The following NDUFAF6 variants were observed in gnomAD, a reference collection of about 807,000 sequenced individuals.
NDUFAF6 encodes the protein NADH:ubiquinone oxidoreductase complex assembly factor 6.
NDUFAF6 carries 45 observed loss-of-function variants against 40.8 expected under a neutral mutation model. That is an observed-to-expected ratio of 1.10 (90% CI 0.87 to 1.42). The LOEUF (loss-of-function observed/expected upper bound fraction) is 1.42, where lower values mean the gene tolerates loss of function less well. NDUFAF6 is among the 40% of genes most tolerant of loss of function. NDUFAF6 has a pLI of 0.00. For synonymous variants in NDUFAF6, 185 were observed against 155.9 expected, an observed-to-expected ratio of 1.19 and a Z score of -1.39; for missense variants, 435 against 418.5, an observed-to-expected ratio of 1.04 and a Z score of -0.34.
intron 1 of NDUFAF6, among the ~76,000 whole-genome samples, chr8:94,979,750 C>T (rs1325948472): frequency 6.6e-6 from 1 of 152,054 alleles, no homozygotes; most frequent in Non-Finnish European, 1.5e-5. Context: ...AGGAGGATCA[C>T]AACAATGTAA....
chr8:94,911,533 A>C (rs1410124218), intron 1 of NDUFAF6, among the ~76,000 whole-genome samples: 1 of 152,232 alleles, frequency 6.6e-6, no homozygotes, highest in Non-Finnish European at 1.5e-5. Flanking sequence ...TTGGACTTCC[A>C]AAGAGGTGGA....
At chr8:95,027,019 T>C (rs73276444) in intron 1 of NDUFAF6, among the ~76,000 whole-genome samples, 22,184 of 152,078 alleles carry the variant, frequency 0.15, 1,627 homozygotes, top group Middle Eastern at 0.24. Flanking sequence ...GCACTCCAGC[T>C]GGGGCAACAG....
At chr8:95,051,076 G>A (rs1831377179) in intron 7 of NDUFAF6, among the ~76,000 whole-genome samples, 1 of 152,140 alleles carries the variant, frequency 6.6e-6, no homozygotes, top group African/African-American at 2.4e-5. Flanking sequence ...AAAAATGCAG[G>A]ATTGTGACTT....
chr8:94,903,985 C>G (rs1818200558), intron 1 of NDUFAF6, among the ~76,000 whole-genome samples: 1 of 152,158 alleles, frequency 6.6e-6, no homozygotes, highest in South Asian at 2.1e-4. Flanking sequence ...TGACCTGCCC[C>G]TGGCTCCCTA....
chr8:95,031,235 G>T (rs964712635), intron 1 of NDUFAF6, among the ~76,000 whole-genome samples: 1 of 152,178 alleles, frequency 6.6e-6, no homozygotes, highest in African/African-American at 2.4e-5. Context: ...GTGGGGTGGG[G>T]GCTGGGGGCA....
intron 1 of NDUFAF6, chr8:94,975,194 T>G (rs1376897896): frequency 6.6e-6 from 1 of 152,310 alleles, no homozygotes; most frequent in Non-Finnish European, 1.5e-5. Context: ...AGAGGGCAGG[T>G]GTGGGTGGGT....
intron 3 of NDUFAF6, among the ~76,000 whole-genome samples, chr8:95,039,376 C>T (rs1005320906): frequency 5.3e-5 from 8 of 150,672 alleles, no homozygotes; most frequent in African/African-American, 1.5e-4. Flanking sequence ...TCGCTTGAAC[C>T]GGGGAGGTGG....
At chr8:94,930,525 T>C in intron 1 of NDUFAF6, 1 of 1,614,252 alleles carries the variant, frequency 6.2e-7, no homozygotes, top group South Asian at 1.1e-5. Flanking sequence ...AACCCAGCCA[T>C]TGTGCTTGAC....
chr8:94,899,629 T>C (rs1209224138), intron 1 of NDUFAF6, among the ~76,000 whole-genome samples: 1 of 152,256 alleles, frequency 6.6e-6, no homozygotes, highest in Non-Finnish European at 1.5e-5. Flanking sequence ...TCACCTGTGC[T>C]GTGCTGCCTC....
intron 4 of NDUFAF6, 73 bp downstream of exon 4, chr8:95,041,699 AT>A: frequency 2.5e-6 from 3 of 1,202,546 alleles, no homozygotes; most frequent in Non-Finnish European, 3.7e-6. Context: ...CAAGAAGGAC[AT>A]TTTTTGACTG....
chr8:94,905,219 TTC>T lies in NDUFAF6; in HGVS notation c.-936+9294_-936+9295del, dbSNP rs1818315665. ...TCAAGAAAAAAAAATTTTTTTCTTC[TTC>T]TTTGTGGCAGGATTTTTTGGATGAG... On this transcript the variant is annotated intron_variant, in intron 1 of 14. Coordinates refer to the NDUFAF6 transcript ENST00000396113. Among the ~76,000 whole-genome samples the T allele has an allele frequency of 2.6e-5, 4 of 151,856 alleles. No individual in the cohort carries two copies. In the South Asian group the frequency reaches 8.3e-4, roughly 32 times the overall value.
intron 2 of NDUFAF6, among the ~76,000 whole-genome samples, chr8:95,009,873 A>C (rs1827158455): frequency 1.3e-5 from 2 of 152,222 alleles, no homozygotes. Context: ...ATTATATTTA[A>C]AAGTTTATTA....
At chr8:94,963,074 C>T (rs13266313) in intron 1 of NDUFAF6, among the ~76,000 whole-genome samples, 76,890 of 151,794 alleles carry the variant, frequency 0.51, 19,892 homozygotes, top group East Asian at 0.72. Flanking sequence ...TACAGACAGG[C>T]GTGAGCCACT....
upstream of NDUFAF6, among the ~76,000 whole-genome samples, chr8:95,099,339 A>G (rs1031788927): frequency 3.3e-4 from 29 of 88,342 alleles, no homozygotes; most frequent in Non-Finnish European, 5.6e-4. Context: ...TTCCAGCTGG[A>G]AAAAAAAAAA....
chr8:94,936,713 A>G (rs966011875), intron 1 of NDUFAF6, among the ~76,000 whole-genome samples: 12 of 152,146 alleles, frequency 7.9e-5, no homozygotes, highest in Middle Eastern at 3.2e-3. Context: ...ATATTAGGAC[A>G]TGCCAGTGGC....
chr8:95,038,894 C>G (rs1040749875), intron 3 of NDUFAF6, among the ~76,000 whole-genome samples: 6 of 151,478 alleles, frequency 4.0e-5, no homozygotes, highest in Non-Finnish European at 8.8e-5. Flanking sequence ...TGGTCTCCAT[C>G]TCTTGACCTC....
chr8:94,976,816 A>G (rs376464795), intron 1 of NDUFAF6, among the ~76,000 whole-genome samples: 8 of 152,320 alleles, frequency 5.3e-5, no homozygotes, highest in Admixed American at 1.3e-4. Context: ...CTGTTTCACA[A>G]CAATGCGAAT....
At chr8:95,095,250 C>T (rs774951095) in intron 2 of NDUFAF6, among the ~76,000 whole-genome samples, 8 of 152,076 alleles carry the variant, frequency 5.3e-5, no homozygotes, top group Non-Finnish European at 8.8e-5. Flanking sequence ...TGCCTCAGAG[C>T]GTGAATCAGG....
At chr8:94,982,381 T>C (rs996609541) in intron 2 of NDUFAF6, among the ~76,000 whole-genome samples, 3 of 152,170 alleles carry the variant, frequency 2.0e-5, no homozygotes, top group Admixed American at 6.5e-5. Flanking sequence ...ATAGGTTAGG[T>C]GTGTAGTAGG....
Sources: gnomAD v4.1 joint callset for allele counts (sites outside exome capture counted in the v4.1 genomes callset) on GRCh38, gnomAD v4.1.1 for gene constraint, MANE v1.5 for transcripts, NCBI Gene and HGNC (gene_info 2026-07-23, HGNC 2026-07-21) for gene names.